The following CD5L variants were observed in gnomAD, a reference collection of about 807,000 sequenced individuals.
The protein encoded by CD5L is CD5 molecule like.
CD5L carries 39 observed loss-of-function variants against 40.8 expected under a neutral mutation model. That is an observed-to-expected ratio of 0.96 (90% CI 0.74 to 1.25). The LOEUF (loss-of-function observed/expected upper bound fraction) is 1.25. Among genes scored for constraint, CD5L ranks in the 50% most tolerant of loss-of-function variants. CD5L has a pLI of 0.00. For synonymous variants in CD5L, 192 were observed against 169.6 expected, an observed-to-expected ratio of 1.13 and a Z score of -1.03; for missense variants, 433 against 435.9, an observed-to-expected ratio of 0.99 and a Z score of 0.06.
chr1:157,839,535 G>A lies in CD5L; in HGVS notation c.29-125C>T, dbSNP rs892069235. On this transcript the variant is annotated intron_variant, in intron 1 of 5. Coordinates refer to ENST00000368174, the MANE Select transcript of CD5L (RefSeq NM_005894.3). Reference sequence around the variant, plus strand: ...GGTAGATGCAGAGCCTCCAATGTCAGTCCTGTTGGGACCTTCTTCTTCTGG... The same window carrying A: ...GGTAGATGCAGAGCCTCCAATGTCAATCCTGTTGGGACCTTCTTCTTCTGG... 15 of 928,650 alleles carry A rather than the reference G, an allele frequency of 1.6e-5. No homozygotes were observed. In the Middle Eastern group the frequency reaches 6.5e-4, roughly 40 times the overall value. 57.5% of individuals were successfully genotyped at this position (928,650 alleles called of 1,614,324 possible). A position where few individuals can be genotyped will look rare whatever the true frequency, so the allele number is the denominator to read the frequency against.
chr1:157,831,734 A>C lies in CD5L; in HGVS notation c.*230T>G, dbSNP rs1656053480. On this transcript the variant is annotated 3_prime_UTR_variant, in exon 6 of 6. Coordinates refer to ENST00000368174, the MANE Select transcript of CD5L (RefSeq NM_005894.3). ...CAGGGTTGAGCACAGGATACATGGAAGCTCATCTTCCCCAGCAAGAGGGAA... is the reference window on the plus strand; with the variant it reads ...CAGGGTTGAGCACAGGATACATGGACGCTCATCTTCCCCAGCAAGAGGGAA... The C allele has an allele frequency of 7.9e-7, 1 of 1,272,304 alleles. No homozygotes were observed. The highest frequency in any genetic ancestry group is 1.5e-5 in the African/African-American group (1 of 65,380). 78.8% of individuals were successfully genotyped at this position (1,272,304 alleles called of 1,614,324 possible). A position where few individuals can be genotyped will look rare whatever the true frequency, so the allele number is the denominator to read the frequency against.
intron 1 of CD5L, 122 bp downstream of exon 1, chr1:157,841,552 G>C: frequency 1.3e-6 from 1 of 774,150 alleles, no homozygotes; most frequent in East Asian, 2.7e-5. Context: ...AATGTAAAAA[G>C]GAGGAAGAAG....
intron 3 of CD5L, among the ~76,000 whole-genome samples, chr1:157,835,576 A>G (rs1199461918): frequency 6.6e-6 from 1 of 152,216 alleles, no homozygotes; most frequent in African/African-American, 2.4e-5. Flanking sequence ...GCATGTTGGC[A>G]TGTGTGTAAA....
intron 2 of CD5L, among the ~76,000 whole-genome samples, chr1:157,837,965 AC>A (rs1656265811): frequency 1.3e-5 from 2 of 151,586 alleles, no homozygotes; most frequent in African/African-American, 4.9e-5. Flanking sequence ...TTTAGTAGAG[AC>A]GGGATTTCAC....
At position 157,834,426 on chromosome 1, in the gene CD5L, G is replaced by A. The variant is rs1656136586; in HGVS notation, c.699C>T (p.Asp233=). 5.6e-6 allele frequency: 9 copies of A among 1,613,608 alleles called. No individual in the cohort carries two copies. Among genetic ancestry groups the A allele is most frequent in the Non-Finnish European group, 7.6e-6 (9 of 1,179,618 alleles). ...CATTACCTTCACATTCGACCCACGT[G>A]TCTTCATCATGGTTGCAGGTGTTCT... ...WGKNTCNHDE[D]TWVECEDPFD... Residue 233 remains aspartate, a synonymous_variant, in exon 4 of 6, where the codon GAC becomes GAT. Transcript: ENST00000368174.
rs1436696889 is a variant in CD5L at position 157,834,503 on chromosome 1, A to C, written c.622T>G (p.Cys208Gly). ...RKPIWLSQMSCSGREATLQDC... is the reference protein window; with the variant it reads ...RKPIWLSQMSGSGREATLQDC... Reference sequence around the variant, plus strand: ...TGAAGGGTTGCTTCTCGTCCTGAGCATGACATCTGGCTCAGCCAGATGGGT... The same window carrying C: ...TGAAGGGTTGCTTCTCGTCCTGAGCCTGACATCTGGCTCAGCCAGATGGGT... Residue 208 changes from cysteine to glycine, a missense_variant, in exon 4 of 6, where the codon TGC becomes GGC. Physicochemically the swap from Cys to Gly is radical, Grantham distance 159. Coordinates refer to ENST00000368174, the MANE Select transcript of CD5L (RefSeq NM_005894.3). 1 of 1,614,116 alleles carries C rather than the reference A, an allele frequency of 6.2e-7. No homozygotes were observed. The highest frequency in any genetic ancestry group is 1.3e-5 in the African/African-American group (1 of 74,942).
intron 3 of CD5L, 117 bp from the exon 4 acceptor site, chr1:157,834,865 T>A (rs1292317358): frequency 1.5e-6 from 1 of 653,920 alleles, no homozygotes. Flanking sequence ...CATGCTAAAG[T>A]GCTTAACACT....
intron 4 of CD5L, among the ~76,000 whole-genome samples, chr1:157,833,998 C>T (rs1557940248): frequency 2.0e-5 from 3 of 152,108 alleles, no homozygotes; most frequent in Admixed American, 1.3e-4. Flanking sequence ...CCTTCTGTAG[C>T]TCTCCATCAT....
chr1:157,829,232 C>T (rs1294351980), downstream of CD5L, among the ~76,000 whole-genome samples: 1 of 152,202 alleles, frequency 6.6e-6, no homozygotes. Context: ...ACATTTAACT[C>T]ATGTGCAATG....
rs757766925 is a variant in CD5L, at chr1:157,835,820, C to T, written c.376+15G>A. 2.0e-5 allele frequency: 32 copies of T among 1,593,092 alleles called. No homozygotes were observed. The highest frequency in any genetic ancestry group is 2.7e-5 in the Non-Finnish European group (31 of 1,168,978). ...TGGCAGCTGGCAAGTGGTCCGGGAC[C>T]CCTGCCATACTCACTCTCACACGAT... is the stretch of plus-strand genomic sequence containing the variant. On this transcript the variant is annotated intron_variant, in intron 3 of 5. Transcript: ENST00000368174.
chr1:157,836,223 G>A, intron 2 of CD5L, 68 bp from the exon 3 acceptor site: 1 of 1,257,300 alleles, frequency 8.0e-7, no homozygotes, highest in Non-Finnish European at 1.1e-6. Flanking sequence ...CATGTACTCA[G>A]TCAATCTGGG....
chr1:157,838,831 A>G (rs1037866675), intron 2 of CD5L, among the ~76,000 whole-genome samples: 5 of 152,242 alleles, frequency 3.3e-5, no homozygotes, highest in South Asian at 4.1e-4. Flanking sequence ...CTGATAATCC[A>G]CAACCCATAG....
At chr1:157,839,807 C>T (rs1445301012) in intron 1 of CD5L, among the ~76,000 whole-genome samples, 3 of 152,112 alleles carry the variant, frequency 2.0e-5, no homozygotes, top group Non-Finnish European at 4.4e-5. Flanking sequence ...GGTAAAGATG[C>T]CATGGTGGGC....
chr1:157,839,509 TG>T (rs1466828312), intron 1 of CD5L, 99 bp from the exon 2 acceptor site: 3 of 1,271,226 alleles, frequency 2.4e-6, no homozygotes, highest in African/African-American at 1.5e-5. Flanking sequence ...GAGACAAGAG[TG>T]GTAGATGCAG....
At chr1:157,830,299 C>G (rs1310083587), downstream of CD5L, among the ~76,000 whole-genome samples, 1 of 152,226 alleles carries the variant, frequency 6.6e-6, no homozygotes, top group African/African-American at 2.4e-5. Context: ...TCCTTAGGGA[C>G]TCTTTTCAGA....
Position 157,833,318 on chromosome 1 carries a change from C to A in CD5L, c.913G>T (p.Val305Phe). ...ACATTATCCAGCCAGATGCGGCCAACCCCAGGGCCATAGCATTTCCGGTCT... is the reference window on the plus strand; with the variant it reads ...ACATTATCCAGCCAGATGCGGCCAAACCCAGGGCCATAGCATTTCCGGTCT... Reference protein sequence around the residue: ...FRDRKCYGPGVGRIWLDNVRC... With the variant: ...FRDRKCYGPGFGRIWLDNVRC... Residue 305 changes from valine (V) to phenylalanine (F), a missense_variant, in exon 5 of 6, where the codon GTT becomes TTT. Transcript: ENST00000368174. The A allele has an allele frequency of 6.2e-7, 1 of 1,614,176 alleles. No homozygotes were observed. Among genetic ancestry groups the A allele is most frequent in the Non-Finnish European group, 8.5e-7 (1 of 1,180,038 alleles).
Position 157,832,728 on chromosome 1 carries a change from T to C in CD5L, c.1039+464A>G, listed in dbSNP as rs150338059. 6.6e-3 allele frequency among the ~76,000 whole-genome samples: 1,012 copies of C among 152,282 alleles called. 9 individuals carry two copies. Among genetic ancestry groups the C allele is most frequent in the African/African-American group, 0.023 (946 of 41,564 alleles). ...AATGAGGTAGAACCCTCTTTGATAG[T>C]TTAACTTAGAGTTTCAAGGTTAGGG... On this transcript the variant is annotated intron_variant, in intron 5 of 5. Coordinates refer to ENST00000368174, the MANE Select transcript of CD5L (RefSeq NM_005894.3).
chr1:157,830,358 CT>C (rs1656014237), downstream of CD5L, among the ~76,000 whole-genome samples: 1 of 62,954 alleles, frequency 1.6e-5, no homozygotes, highest in South Asian at 6.8e-4. Flanking sequence ...GAAATTCATT[CT>C]CTCTTCAGTG....
At chr1:157,833,150 T>A in intron 5 of CD5L, 42 bp downstream of exon 5, 2 of 1,481,802 alleles carry the variant, frequency 1.3e-6, no homozygotes, top group Non-Finnish European at 1.9e-6. Context: ...TCCTTTATCA[T>A]CCTCCTTGCC....
Sources: allele counts gnomAD v4.1 joint callset (sites outside exome capture counted in the v4.1 genomes callset), GRCh38; gene constraint gnomAD v4.1.1; transcripts MANE v1.5; gene names NCBI Gene and HGNC (gene_info 2026-07-23, HGNC 2026-07-21).